The following TDRD6 variants were observed in gnomAD, a reference collection of about 807,000 sequenced individuals.
The protein encoded by TDRD6 is tudor domain containing 6.
TDRD6 carries 186 observed loss-of-function variants against 157.5 expected under a neutral mutation model. The ratio of observed to expected loss-of-function variants is 1.18; its 90% confidence interval spans 1.05 to 1.33. The LOEUF (loss-of-function observed/expected upper bound fraction) is 1.33, where lower values mean the gene tolerates loss of function less well. Among genes scored for constraint, TDRD6 ranks in the 40% most tolerant of loss-of-function variants. TDRD6 has a pLI of 0.00. For missense variants in TDRD6, 3,066 were observed against 2,508.0 expected (o/e 1.22, Z -4.75); for synonymous variants, 1,075 against 945.2 (o/e 1.14, Z -2.52).
rs749751485 is a variant in TDRD6 at position 46,689,056 on chromosome 6, C to T, written c.928C>T (p.Pro310Ser). 6.2e-7 allele frequency: 1 copy of T among 1,613,960 alleles called. No individual in the cohort carries two copies. The highest frequency in any genetic ancestry group is 1.7e-5 in the Admixed American group (1 of 60,016). Reference protein sequence around the residue: ...SATWEEREESPDKPGSPCASC... With the variant: ...SATWEEREESSDKPGSPCASC... The stretch of plus-strand genomic sequence containing the variant: ...CACCTGGGAGGAGAGGGAGGAGAGC[C>T]CAGATAAGCCGGGCTCTCCGTGTGC... The change falls in exon 1 of 4, where the codon CCA (proline) becomes TCA (serine). Residue 310 changes from proline (P) to serine (S), a missense_variant. Transcript: ENST00000316081.
At position 46,694,065 on chromosome 6, in the gene TDRD6, TGTAGA is replaced by T. The variant is rs771591527; in HGVS notation, c.5941_5945del (p.Glu1981Ter). ...AAATGAATATATGTGAAGAAGAATT[TGTAGA>T]GTATAAAAACAGGGATGCCATTTCG... On this transcript the variant is annotated frameshift_variant, in exon 1 of 4. Coordinates refer to ENST00000316081, the MANE Select transcript of TDRD6 (RefSeq NM_001010870.3). LOFTEE classifies it high-confidence loss of function. The T allele has an allele frequency of 6.2e-7, 1 of 1,613,844 alleles. No individual in the cohort carries two copies. Among genetic ancestry groups the T allele is most frequent in the South Asian group, 1.1e-5 (1 of 90,968 alleles).
rs1318059402 is a variant in TDRD6 at position 46,688,254 on chromosome 6, G to A, written c.126G>A (p.Glu42=). 2.6e-6 allele frequency: 4 copies of A among 1,516,238 alleles called. No homozygotes were observed. The Middle Eastern group carries it at 5.5e-4, about 210-fold the overall frequency. 93.9% of individuals were successfully genotyped at this position (1,516,238 alleles called of 1,614,324 possible). A position where few individuals can be genotyped will look rare whatever the true frequency, so the allele number is the denominator to read the frequency against. ...LWGLVGERRG[E]YLRLSREIQE... ...GGCTGGTGGGCGAGCGGCGGGGCGA[G>A]TACCTGCGGCTGAGCCGGGAAATCC... is the stretch of plus-strand genomic sequence containing the variant. The change falls in exon 1 of 4, where the codon GAG becomes GAA. Residue 42 remains glutamate, a synonymous_variant. Coordinates refer to ENST00000316081, the MANE Select transcript of TDRD6 (RefSeq NM_001010870.3).
At chr6:46,683,205 C>G (rs535705031), upstream of TDRD6, among the ~76,000 whole-genome samples, 5 of 152,050 alleles carry the variant, frequency 3.3e-5, no homozygotes, top group South Asian at 1.0e-3. Context: ...ACCAAGATAA[C>G]TTAACTGGAA....
rs1421398043 is a variant in TDRD6 at position 46,691,777 on chromosome 6, A to G, written c.3649A>G (p.Ile1217Val). 1 of 1,599,834 alleles carries G rather than the reference A, an allele frequency of 6.3e-7. No individual in the cohort carries two copies. ...EILEESYKPQINSSYKELKLL... is the reference protein window; with the variant it reads ...EILEESYKPQVNSSYKELKLL... ...TTTGGAAGAGTCATATAAACCTCAGATCAACTCATCATACAAGGAACTCAA... is the reference window on the plus strand; with the variant it reads ...TTTGGAAGAGTCATATAAACCTCAGGTCAACTCATCATACAAGGAACTCAA... The change falls in exon 1 of 4, where the codon ATC becomes GTC. Residue 1217 changes from isoleucine to valine, a missense_variant. Physicochemically the swap from Ile to Val is conservative, Grantham distance 29. Transcript: ENST00000316081.
At chr6:46,700,247 C>T (rs1485703502) in intron 3 of TDRD6, among the ~76,000 whole-genome samples, 1 of 152,104 alleles carries the variant, frequency 6.6e-6, no homozygotes, top group African/African-American at 2.4e-5. Context: ...AAATAGATAA[C>T]TACCTCTGGC....
chr6:46,690,056 T>C lies in TDRD6; in HGVS notation c.1928T>C (p.Ile643Thr), dbSNP rs571480956. 2.2e-5 allele frequency: 35 copies of C among 1,613,944 alleles called. No individual in the cohort carries two copies. The highest frequency in any genetic ancestry group is 2.6e-5 in the Non-Finnish European group (31 of 1,180,002). Residue 643 changes from isoleucine to threonine, a missense_variant, in exon 1 of 4, where the codon ATT becomes ACT. Transcript: ENST00000316081. ...GATAAACAGGATCATCAATATGTTATTGAGATTCTTGACGAATCAAGAACA... is the reference window on the plus strand; with the variant it reads ...GATAAACAGGATCATCAATATGTTACTGAGATTCTTGACGAATCAAGAACA... ...ILDKQDHQYV[I>T]EILDESRTGE...
chr6:46,692,353 G>C lies in TDRD6; in HGVS notation c.4225G>C (p.Ala1409Pro), dbSNP rs752870668. The part of the protein sequence containing the change: ...NKIGRLDLVN[A>P]ILPGLCIHCS... ...AATAGGTAGGCTTGACCTTGTTAATGCAATATTGCCGGGGTTGTGCATTCA... is the reference window on the plus strand; with the variant it reads ...AATAGGTAGGCTTGACCTTGTTAATCCAATATTGCCGGGGTTGTGCATTCA... Residue 1409 changes from alanine to proline, a missense_variant, in exon 1 of 4, where the codon GCA (alanine) becomes CCA (proline). Transcript: ENST00000316081. 6 of 1,614,042 alleles carry C rather than the reference G, an allele frequency of 3.7e-6. No individual in the cohort carries two copies. The African/African-American group carries it at 8.0e-5, about 22-fold the overall frequency.
chr6:46,697,079 G>A (rs553573546), intron 2 of TDRD6, among the ~76,000 whole-genome samples: 1 of 152,138 alleles, frequency 6.6e-6, no homozygotes, highest in African/African-American at 2.4e-5. Flanking sequence ...ATCCTCTAGG[G>A]TTAAGTGTTT....
chr6:46,694,577 T>C (rs1764446106), intron 1 of TDRD6, among the ~76,000 whole-genome samples: 1 of 152,208 alleles, frequency 6.6e-6, no homozygotes, highest in African/African-American at 2.4e-5. Flanking sequence ...TTGTAAGAGA[T>C]TAAAAACCTG....
rs923028146 is a variant in TDRD6, at chr6:46,704,152, A to G, written c.*2265A>G. The G allele has an allele frequency of 1.1e-5, 2 of 183,582 alleles. No homozygotes were observed. Among genetic ancestry groups the G allele is most frequent in the South Asian group, 1.1e-4 (1 of 9,216 alleles). 11.4% of individuals were successfully genotyped at this position (183,582 alleles called of 1,614,324 possible). A position where few individuals can be genotyped will look rare whatever the true frequency, so the allele number is the denominator to read the frequency against. On this transcript the variant is annotated 3_prime_UTR_variant, in exon 4 of 4. Transcript: ENST00000316081. ...CCCATAGTAGATAATAAAAGGCAAG[A>G]AATTGTTTTTTACTCTATGTTTAGG...
rs1764474134 is a variant in TDRD6 at position 46,695,802 on chromosome 6, A to G, written c.6047-19A>G. 6.2e-7 allele frequency: 1 copy of G among 1,610,078 alleles called. No individual in the cohort carries two copies. The highest frequency in any genetic ancestry group is 8.5e-7 in the Non-Finnish European group (1 of 1,178,454). On this transcript the variant is annotated intron_variant, in intron 1 of 3. Transcript: ENST00000316081. ...AATTAAGAGATATGCATTGAGTCTT[A>G]CTCAATTCAATTTGGCAGCTCAACT...
At position 46,704,241 on chromosome 6, in the gene TDRD6, CAAAGT is replaced by C; in HGVS notation, c.*2357_*2361del. The C allele has an allele frequency of 3.5e-6, 1 of 284,640 alleles. No homozygotes were observed. Among genetic ancestry groups the C allele is most frequent in the South Asian group, 4.0e-5 (1 of 25,248 alleles). The allele number at this position is 284,640 out of a possible 1,614,324, so 17.6% of individuals were successfully genotyped here. A position where few individuals can be genotyped will look rare whatever the true frequency, so the allele number is the denominator to read the frequency against. ...TGCCTGTTTTAATCTACTTGTCTGT[CAAAGT>C]AATGTAAAAACAGTTTTTAACTTCG... On this transcript the variant is annotated 3_prime_UTR_variant, in exon 4 of 4. Coordinates refer to ENST00000316081, the MANE Select transcript of TDRD6 (RefSeq NM_001010870.3).
the TDRD6 span, chr6:46,681,409 C>A: frequency 2.6e-6 from 1 of 381,870 alleles, no homozygotes; most frequent in East Asian, 7.7e-5. Flanking sequence ...AATTATATCA[C>A]TATTTGGCCT....
Position 46,688,338 on chromosome 6 carries a change from C to T in TDRD6, c.210C>T (p.Gly70=), listed in dbSNP as rs1339539214. 4 of 1,527,210 alleles carry T rather than the reference C, an allele frequency of 2.6e-6. No homozygotes were observed. The highest frequency in any genetic ancestry group is 3.5e-6 in the Non-Finnish European group (4 of 1,141,904). 94.6% of individuals were successfully genotyped at this position (1,527,210 alleles called of 1,614,324 possible). A position where few individuals can be genotyped will look rare whatever the true frequency, so the allele number is the denominator to read the frequency against. The change falls in exon 1 of 4, where the codon GGC becomes GGT. Residue 70 remains glycine, a synonymous_variant. Coordinates refer to ENST00000316081, the MANE Select transcript of TDRD6 (RefSeq NM_001010870.3). ...WALGSASASP[G]ELCLVQVGLL... ...TGGGCAGCGCCTCGGCCTCGCCCGG[C>T]GAGCTGTGCCTGGTGCAGGTCGGGC...
chr6:46,698,162 C>A, intron 3 of TDRD6, 75 bp downstream of exon 3: 1 of 1,120,230 alleles, frequency 8.9e-7, no homozygotes. Context: ...AAACTATTTC[C>A]AAAGTCCTTG....
At chr6:46,685,014 GTTT>G (rs76156697), upstream of TDRD6, among the ~76,000 whole-genome samples, 1 of 131,526 alleles carries the variant, frequency 7.6e-6, no homozygotes, top group Non-Finnish European at 1.7e-5. Context: ...AACATTGTGG[GTTT>G]TTTTTTTTTT....
rs1222822703 is a variant in TDRD6 at position 46,691,132 on chromosome 6, T to G, written c.3004T>G (p.Tyr1002Asp). 6.2e-7 allele frequency: 1 copy of G among 1,613,880 alleles called. No homozygotes were observed. Among genetic ancestry groups the G allele is most frequent in the South Asian group, 1.1e-5 (1 of 91,024 alleles). The change falls in exon 1 of 4, where the codon TAT becomes GAT. Residue 1002 changes from tyrosine to aspartate, a missense_variant. Physicochemically the swap from Tyr to Asp is radical, Grantham distance 160 (BLOSUM62 -3). Coordinates refer to ENST00000316081, the MANE Select transcript of TDRD6 (RefSeq NM_001010870.3). ...GCATATTGATGACCCTTGGACATTT[T>G]ATTGCCAGCTGGCAAGAAATGCAAA... ...ITHIDDPWTF[Y>D]CQLARNANIL... is the part of the protein sequence containing the mutation.
At chr6:46,696,579 G>GTATATA (rs1360765143) in intron 2 of TDRD6, among the ~76,000 whole-genome samples, 1,007 of 48,282 alleles carry the variant, frequency 0.021, 24 homozygotes, top group East Asian at 0.044. Flanking sequence ...GTGTGTGTGT[G>GTATATA]TGTATATATA....
intron 3 of TDRD6, chr6:46,701,041 G>C (rs1322287627): frequency 8.6e-6 from 4 of 462,726 alleles, no homozygotes; most frequent in Non-Finnish European, 1.8e-5. Flanking sequence ...CTTCATGTCA[G>C]TGGGTGATAC....
Sources: allele counts gnomAD v4.1 joint callset (sites outside exome capture counted in the v4.1 genomes callset), GRCh38; gene constraint gnomAD v4.1.1; transcripts MANE v1.5; gene names NCBI Gene and HGNC (gene_info 2026-07-23, HGNC 2026-07-21).